Variants in ERP44 observed in about 807,000 individuals in gnomAD.
ERP44 encodes endoplasmic reticulum protein 44.
Under a neutral mutation model 53.4 loss-of-function variants are expected in ERP44, and 25 were observed. The ratio of observed to expected loss-of-function variants is 0.47; its 90% CI spans 0.34 to 0.65. The LOEUF is 0.65. ERP44 is among the 30% of genes least tolerant of loss of function. The pLI is 0.01. For synonymous variants in ERP44, 145 were observed against 161.2 expected (o/e 0.90, Z 0.76); for missense variants, 338 against 493.2 (o/e 0.69, Z 2.98).
At chr9:99,999,192 C>G in intron 10 of ERP44, 7 of 493,660 alleles carry the variant, frequency 1.4e-5, no homozygotes, top group South Asian at 4.8e-5. Flanking sequence ...CCTCCCCCTC[C>G]GCTCAAGGCC....
intron 4 of ERP44, among the ~76,000 whole-genome samples, chr9:100,044,871 T>C (rs1825950310): frequency 6.6e-6 from 1 of 152,224 alleles, no homozygotes; most frequent in Non-Finnish European, 1.5e-5. Flanking sequence ...TGACCCATTA[T>C]AGACTATTTA....
chr9:100,011,497 G>A (rs770065251), intron 8 of ERP44, among the ~76,000 whole-genome samples: 2 of 152,120 alleles, frequency 1.3e-5, no homozygotes, highest in Admixed American at 6.5e-5. Flanking sequence ...TAGTGAAAAT[G>A]TCTTACTTTG....
At chr9:100,053,103 C>A (rs555683535) in intron 3 of ERP44, among the ~76,000 whole-genome samples, 1 of 152,190 alleles carries the variant, frequency 6.6e-6, no homozygotes, top group South Asian at 2.1e-4. Context: ...ACCTCTCCAC[C>A]TGGCTAGTTC....
intron 4 of ERP44, among the ~76,000 whole-genome samples, chr9:100,050,228 G>A (rs895851966): frequency 5.9e-5 from 9 of 152,080 alleles, no homozygotes; most frequent in African/African-American, 2.2e-4. Context: ...TGACAGCTAT[G>A]CTCAATATCT....
At chr9:100,011,418 G>T (rs1046677615) in intron 8 of ERP44, among the ~76,000 whole-genome samples, 2 of 152,158 alleles carry the variant, frequency 1.3e-5, no homozygotes, top group Non-Finnish European at 1.5e-5. Context: ...GAAAAGAAGA[G>T]AATATAAAAT....
intron 1 of ERP44, among the ~76,000 whole-genome samples, chr9:100,090,327 G>C (rs1419609475): frequency 1.3e-5 from 2 of 152,176 alleles, no homozygotes; most frequent in African/African-American, 2.4e-5. Flanking sequence ...CTTCTCTCAA[G>C]GTAACGCCAA....
At chr9:100,043,480 C>A (rs144128882) in intron 4 of ERP44, among the ~76,000 whole-genome samples, 1 of 151,908 alleles carries the variant, frequency 6.6e-6, no homozygotes, top group African/African-American at 2.4e-5. Context: ...TTTGGCCTGG[C>A]GCAGTGGCTC....
intron 4 of ERP44, among the ~76,000 whole-genome samples, chr9:100,028,033 T>C (rs998775419): frequency 1.2e-4 from 18 of 152,244 alleles, no homozygotes; most frequent in African/African-American, 3.4e-4. Context: ...TTCTGTTCTA[T>C]GCACATAAAG....
At chr9:100,025,324 A>G (rs1465158873) in intron 4 of ERP44, among the ~76,000 whole-genome samples, 1 of 152,204 alleles carries the variant, frequency 6.6e-6, no homozygotes, top group African/African-American at 2.4e-5. Flanking sequence ...GAAAATTATG[A>G]GAAAAAAAAA....
intron 10 of ERP44, among the ~76,000 whole-genome samples, chr9:100,003,429 T>G (rs776639390): frequency 1.3e-5 from 2 of 152,228 alleles, no homozygotes; most frequent in Non-Finnish European, 2.9e-5. Flanking sequence ...CTTATTCTAG[T>G]CTTTGACTGG....
In ERP44 at chr9:99,998,451, C is replaced by A; in HGVS notation, c.1016+8055G>T. ...AGTCACTCCTTTCTGGGTGCCGGAC[C>A]GTCATCACACCTCTGCACTCTTCCT... is the stretch of plus-strand genomic sequence containing the variant. On this transcript the variant is annotated intron_variant, in intron 10 of 11. Coordinates refer to ENST00000262455, the MANE Select transcript of ERP44 (RefSeq NM_015051.3). The A allele has an allele frequency of 4.5e-6, 3 of 663,696 alleles. No homozygotes were observed. In the South Asian group the frequency reaches 5.0e-5, roughly 11 times the overall value. 41.1% of individuals were successfully genotyped at this position (663,696 alleles called of 1,614,324 possible). A position where few individuals can be genotyped will look rare whatever the true frequency, so the allele number is the denominator to read the frequency against.
intron 8 of ERP44, among the ~76,000 whole-genome samples, chr9:100,009,486 C>T (rs1413999732): frequency 6.6e-6 from 1 of 152,136 alleles, no homozygotes; most frequent in African/African-American, 2.4e-5. Flanking sequence ...CTCTCCCCAC[C>T]CCCTGGCATC....
At chr9:100,083,212 T>A (rs532605816) in intron 1 of ERP44, among the ~76,000 whole-genome samples, 77 of 152,196 alleles carry the variant, frequency 5.1e-4, no homozygotes, top group Non-Finnish European at 8.4e-4. Context: ...ATAATGCTAT[T>A]CACTGTAATA....
At chr9:99,996,997 A>G (rs1411219897) in intron 10 of ERP44, among the ~76,000 whole-genome samples, 2 of 141,766 alleles carry the variant, frequency 1.4e-5, no homozygotes, top group African/African-American at 5.3e-5. Context: ...GTGTGTGTAT[A>G]TATATATATA....
At chr9:100,080,400 A>G (rs1826410109) in intron 1 of ERP44, among the ~76,000 whole-genome samples, 1 of 152,182 alleles carries the variant, frequency 6.6e-6, no homozygotes, top group East Asian at 1.9e-4. Flanking sequence ...ACAGCTCATC[A>G]AGAACATATC....
At chr9:100,002,753 T>C (rs1587959248) in intron 10 of ERP44, among the ~76,000 whole-genome samples, 1 of 152,212 alleles carries the variant, frequency 6.6e-6, no homozygotes, top group South Asian at 2.1e-4. Flanking sequence ...GCTTTCAGAA[T>C]CTTCCCTGTG....
In ERP44 at chr9:99,979,386, G is replaced by A. The variant is rs1228820213; in HGVS notation, c.*3226C>T. 2 of 150,156 alleles carry A rather than the reference G, an allele frequency of 1.3e-5. No individual in the cohort carries two copies. Among genetic ancestry groups the A allele is most frequent in the Non-Finnish European group, 3.0e-5 (2 of 67,796 alleles). 9.3% of individuals were successfully genotyped at this position (150,156 alleles called of 1,614,324 possible). On this transcript the variant is annotated 3_prime_UTR_variant, in exon 12 of 12. Coordinates refer to ENST00000262455, the MANE Select transcript of ERP44 (RefSeq NM_015051.3). ...TTCTATAAATTTAAGCTTATTGTGA[G>A]CTTGAACATTTCAAACACTTCTATA...
intron 4 of ERP44, among the ~76,000 whole-genome samples, chr9:100,027,460 C>T (rs1326985288): frequency 6.6e-6 from 1 of 151,852 alleles, no homozygotes; most frequent in East Asian, 1.9e-4. Flanking sequence ...ATTTTACAAG[C>T]TTTGGCCAAA....
At chr9:99,998,707 C>G (rs754956294) in intron 10 of ERP44, 5 of 723,334 alleles carry the variant, frequency 6.9e-6, no homozygotes, top group Non-Finnish European at 1.3e-5. Flanking sequence ...CAATTTTCTT[C>G]GGTTTATCTC....
Sources: allele counts gnomAD v4.1 joint callset (sites outside exome capture counted in the v4.1 genomes callset), GRCh38; gene constraint gnomAD v4.1.1; transcripts MANE v1.5; gene names NCBI Gene and HGNC (gene_info 2026-07-23, HGNC 2026-07-21).